The following CCDC158 variants were observed in gnomAD, a reference collection of about 807,000 sequenced individuals.
CCDC158 encodes coiled-coil domain-containing protein 158.
In CCDC158, 116 loss-of-function variants were observed where a neutral mutation model predicts 138.6. That is an observed-to-expected ratio of 0.84 (90% CI 0.72 to 0.98). The LOEUF (loss-of-function observed/expected upper bound fraction) is 0.98, where lower values mean the gene tolerates loss of function less well. CCDC158 is among the 50% of genes least tolerant of loss of function. The pLI is 0.00. For missense variants in CCDC158, 1,265 were observed against 1,306.1 expected (o/e 0.97, Z 0.48); for synonymous variants, 436 against 442.4 (o/e 0.99, Z 0.18).
At chr4:76,413,047 G>A (rs1359586536) in intron 1 of CCDC158, among the ~76,000 whole-genome samples, 7 of 152,094 alleles carry the variant, frequency 4.6e-5, no homozygotes, top group Admixed American at 4.6e-4. Context: ...AACATCACTT[G>A]TGCTTGGTTA....
chr4:76,355,999 C>T (rs1038390229), intron 14 of CCDC158, among the ~76,000 whole-genome samples: 8 of 152,102 alleles, frequency 5.3e-5, no homozygotes, highest in African/African-American at 1.7e-4. Context: ...TTGTCATGTG[C>T]TTGGAACTCA....
intron 18 of CCDC158, among the ~76,000 whole-genome samples, chr4:76,339,852 A>C (rs935897799): frequency 1.7e-4 from 26 of 152,230 alleles, no homozygotes; most frequent in Non-Finnish European, 3.4e-4. Context: ...TAACCACACT[A>C]AAGTACATGC....
chr4:76,361,591 G>T (rs1724151658), intron 13 of CCDC158, among the ~76,000 whole-genome samples: 1 of 152,046 alleles, frequency 6.6e-6, no homozygotes, highest in Non-Finnish European at 1.5e-5. Flanking sequence ...AAATTATCCA[G>T]TCTGAGGTAG....
chr4:76,343,580 C>T (rs887306170), intron 18 of CCDC158, among the ~76,000 whole-genome samples: 7 of 152,034 alleles, frequency 4.6e-5, no homozygotes, highest in African/African-American at 1.2e-4. Flanking sequence ...TTTGGGAGGC[C>T]GAGGCAGGCG....
intron 12 of CCDC158, among the ~76,000 whole-genome samples, chr4:76,363,597 C>T (rs780548189): frequency 7.9e-5 from 12 of 152,044 alleles, no homozygotes; most frequent in Non-Finnish European, 1.5e-4. Flanking sequence ...GGACAAGACA[C>T]GTGGACAGTC....
intron 21 of CCDC158, among the ~76,000 whole-genome samples, chr4:76,330,290 A>G (rs530476090): frequency 1.3e-5 from 2 of 152,312 alleles, no homozygotes; most frequent in East Asian, 3.9e-4. Flanking sequence ...ACAAGTTGCT[A>G]TGCAATCTGA....
chr4:76,337,270 A>C (rs1721607895), intron 18 of CCDC158, among the ~76,000 whole-genome samples: 1 of 152,150 alleles, frequency 6.6e-6, no homozygotes. Context: ...CATGTGAACC[A>C]CCATGCCTGG....
chr4:76,315,786 A>G (rs1719326042), intron 24 of CCDC158, among the ~76,000 whole-genome samples: 1 of 152,180 alleles, frequency 6.6e-6, no homozygotes, highest in South Asian at 2.1e-4. Context: ...GATGAATCAC[A>G]TCACAGCACT....
intron 18 of CCDC158, among the ~76,000 whole-genome samples, chr4:76,346,846 A>C (rs1271769990): frequency 6.6e-6 from 1 of 152,198 alleles, no homozygotes; most frequent in African/African-American, 2.4e-5. Flanking sequence ...AAAAACAAAC[A>C]ATTCCATCAA....
chr4:76,360,517 C>T (rs1025280159), intron 13 of CCDC158, among the ~76,000 whole-genome samples: 1 of 152,232 alleles, frequency 6.6e-6, no homozygotes, highest in Non-Finnish European at 1.5e-5. Context: ...GTCACAGAGG[C>T]AGAGCTGCCC....
At chr4:76,414,830 C>T (rs1263211996) in intron 1 of CCDC158, among the ~76,000 whole-genome samples, 1 of 152,196 alleles carries the variant, frequency 6.6e-6, no homozygotes, top group Non-Finnish European at 1.5e-5. Flanking sequence ...CCAATTAAAC[C>T]TCTTTTTCTT....
intron 3 of CCDC158, chr4:76,402,295 A>C (rs781259851): frequency 1.3e-5 from 2 of 152,212 alleles, no homozygotes; most frequent in Middle Eastern, 3.2e-3. Context: ...GTTCTCTTCC[A>C]CATAGGTTTG....
intron 19 of CCDC158, 108 bp from the exon 20 acceptor site, chr4:76,332,599 A>G (rs1004389727): frequency 1.2e-5 from 10 of 845,128 alleles, no homozygotes; most frequent in Non-Finnish European, 1.8e-5. Flanking sequence ...TTTTAGTGAC[A>G]GCTGTAGATT....
chr4:76,378,107 G>A (rs1725883339), intron 9 of CCDC158, among the ~76,000 whole-genome samples: 1 of 152,142 alleles, frequency 6.6e-6, no homozygotes, highest in Non-Finnish European at 1.5e-5. Flanking sequence ...GTAAAGTCCT[G>A]TCTAAATTCC....
intron 18 of CCDC158, among the ~76,000 whole-genome samples, chr4:76,349,435 A>G (rs1278578090): frequency 2.0e-5 from 3 of 152,196 alleles, no homozygotes; most frequent in Non-Finnish European, 2.9e-5. Flanking sequence ...TTGGGAGGCC[A>G]AGGTGGGAGG....
At chr4:76,409,617 G>A (rs1219109238) in intron 2 of CCDC158, among the ~76,000 whole-genome samples, 1 of 152,004 alleles carries the variant, frequency 6.6e-6, no homozygotes, top group Non-Finnish European at 1.5e-5. Flanking sequence ...GGATCATGCG[G>A]TCAGGAGATA....
At chr4:76,383,991 T>A in intron 6 of CCDC158, 97 bp downstream of exon 6, 1 of 934,730 alleles carries the variant, frequency 1.1e-6, no homozygotes, top group Non-Finnish European at 1.6e-6. Flanking sequence ...AAATGAGAAC[T>A]TGGCTTATTT....
intron 11 of CCDC158, among the ~76,000 whole-genome samples, chr4:76,369,206 C>T (rs28495541): frequency 0.027 from 4,025 of 151,594 alleles, 178 homozygotes; most frequent in African/African-American, 0.092. Context: ...CAGAGGAAGA[C>T]GCCATCTAAA....
intron 4 of CCDC158, among the ~76,000 whole-genome samples, chr4:76,389,561 T>C (rs9654139): frequency 1.4e-3 from 208 of 152,190 alleles, no homozygotes; most frequent in African/African-American, 4.8e-3. Context: ...AGGGAAAATA[T>C]CAGAGAACTT....
Sources: gnomAD v4.1 joint callset for allele counts (sites outside exome capture counted in the v4.1 genomes callset) on GRCh38, gnomAD v4.1.1 for gene constraint, MANE v1.5 for transcripts, NCBI Gene and HGNC (gene_info 2026-07-23, HGNC 2026-07-21) for gene names.